SH3KBP1: variants seen among roughly 807,000 people sequenced by gnomAD.
SH3KBP1 encodes the protein SH3 domain-containing kinase-binding protein 1.
A neutral mutation model predicts 50.1 loss-of-function variants in SH3KBP1; 8 were observed. That is an observed-to-expected ratio of 0.16 (90% CI 0.09 to 0.29). SH3KBP1 has a LOEUF of 0.29. Ranked by LOEUF, SH3KBP1 falls within the 10% of genes least tolerant of loss-of-function variation. The pLI is 1.00. For synonymous variants in SH3KBP1, 227 were observed against 218.6 expected (o/e 1.04, Z -0.34); for missense variants, 377 against 535.2 (o/e 0.70, Z 2.92).
chrX:19,812,021 C>A (rs1166270689), intron 2 of SH3KBP1, among the ~76,000 whole-genome samples: 2 of 111,907 alleles, frequency 1.8e-5, no homozygotes, highest in Non-Finnish European at 3.8e-5. Context: ...TCTGGGACCA[C>A]CTGCCTCTAG....
chrX:19,804,889 C>G (rs1237217390), intron 2 of SH3KBP1, among the ~76,000 whole-genome samples: 2 of 81,652 alleles, frequency 2.4e-5, no homozygotes, highest in African/African-American at 4.4e-5. Context: ...CCTACCCCCC[C>G]CCCCCCACCC....
chrX:19,843,994 G>A (rs2068296001), intron 1 of SH3KBP1, among the ~76,000 whole-genome samples: 1 of 111,098 alleles, frequency 9.0e-6, no homozygotes, highest in Non-Finnish European at 1.9e-5. Context: ...AGCAGGCCTG[G>A]GAGCAAATTC....
chrX:19,714,516 AAG>A (rs746798825), intron 3 of SH3KBP1, among the ~76,000 whole-genome samples: 39 of 111,370 alleles, frequency 3.5e-4, no homozygotes, highest in Non-Finnish European at 5.7e-4. Flanking sequence ...ATTTAAAAAA[AAG>A]AAAATAAAAT....
intron 2 of SH3KBP1, among the ~76,000 whole-genome samples, chrX:19,776,756 G>A (rs1047330371): frequency 5.5e-5 from 6 of 108,501 alleles, no homozygotes; most frequent in African/African-American, 1.3e-4. Context: ...GTCTTGCTAC[G>A]TTTCCCAGGA....
chrX:19,668,974 ATT>A (rs1241616577), intron 6 of SH3KBP1, among the ~76,000 whole-genome samples: 52 of 63,893 alleles, frequency 8.1e-4, no homozygotes, highest in Admixed American at 1.4e-3. Flanking sequence ...ATATATATAT[ATT>A]TTTTGAGACA....
chrX:19,564,555 C>T (rs980750446), intron 13 of SH3KBP1, among the ~76,000 whole-genome samples: 1 of 108,388 alleles, frequency 9.2e-6, no homozygotes, highest in African/African-American at 3.3e-5. Flanking sequence ...TCTTCTCTCG[C>T]CTCTCTCTCT....
At chrX:19,583,175 C>T (rs1030908703) in intron 12 of SH3KBP1, among the ~76,000 whole-genome samples, 28 of 89,987 alleles carry the variant, frequency 3.1e-4, no homozygotes, top group Non-Finnish European at 5.9e-4. Context: ...ATTTTTGAGA[C>T]GCAGTTTCAC....
chrX:19,827,126 A>G (rs761512413), intron 2 of SH3KBP1, among the ~76,000 whole-genome samples: 1 of 112,055 alleles, frequency 8.9e-6, no homozygotes, highest in Non-Finnish European at 1.9e-5. Context: ...AGAGAGATCT[A>G]AAACACCTAG....
At chrX:19,675,361 G>A (rs1316597473) in intron 6 of SH3KBP1, among the ~76,000 whole-genome samples, 1 of 109,662 alleles carries the variant, frequency 9.1e-6, no homozygotes, top group African/African-American at 3.3e-5. Flanking sequence ...AGGCAGAGTT[G>A]AAGTCTGAAC....
chrX:19,647,512 C>A (rs2062015824), intron 6 of SH3KBP1, among the ~76,000 whole-genome samples: 1 of 111,935 alleles, frequency 8.9e-6, no homozygotes, highest in Non-Finnish European at 1.9e-5. Flanking sequence ...GTAAGGCTCA[C>A]TGTGGTTTGT....
intron 8 of SH3KBP1, among the ~76,000 whole-genome samples, chrX:19,609,575 G>A (rs2067347738): frequency 8.9e-6 from 1 of 112,057 alleles, no homozygotes; most frequent in African/African-American, 3.2e-5. Flanking sequence ...AGGAGATCAT[G>A]TTCAGGGCCC....
chrX:19,776,532 G>GTTTTTTGTT (rs2065981503), intron 2 of SH3KBP1, among the ~76,000 whole-genome samples: 1 of 25,681 alleles, frequency 3.9e-5, no homozygotes, highest in Non-Finnish European at 6.4e-5. Context: ...TGACAACCTG[G>GTTTTTTGTT]TTTTTTTTTT....
intron 2 of SH3KBP1, among the ~76,000 whole-genome samples, chrX:19,763,326 T>C (rs1014809075): frequency 1.8e-5 from 2 of 112,791 alleles, no homozygotes; most frequent in East Asian, 2.8e-4. Flanking sequence ...TATTTTTAAA[T>C]GTCTTCATTT....
At chrX:19,540,818 G>A (rs946016701) in intron 16 of SH3KBP1, among the ~76,000 whole-genome samples, 2 of 111,702 alleles carry the variant, frequency 1.8e-5, no homozygotes, top group African/African-American at 3.3e-5. Flanking sequence ...AATCCTACCC[G>A]GGAAATAACT....
chrX:19,854,173 T>C (rs1424016578), intron 1 of SH3KBP1, among the ~76,000 whole-genome samples: 2 of 110,112 alleles, frequency 1.8e-5, no homozygotes, highest in African/African-American at 6.6e-5. Flanking sequence ...TGGAGTGCAG[T>C]GGTATGATCT....
intron 3 of SH3KBP1, among the ~76,000 whole-genome samples, chrX:19,719,870 A>ATAC (rs1454276693): frequency 9.5e-6 from 1 of 105,761 alleles, no homozygotes; most frequent in Non-Finnish European, 1.9e-5. Flanking sequence ...AATAATAATA[A>ATAC]TAATAATAAC....
At chrX:19,819,490 C>T (rs1408101105) in intron 2 of SH3KBP1, among the ~76,000 whole-genome samples, 1 of 110,561 alleles carries the variant, frequency 9.0e-6, no homozygotes, top group Non-Finnish European at 1.9e-5. Flanking sequence ...TGCACCACCA[C>T]GTCCAGCTAA....
At chrX:19,750,831 A>C (rs2148830200) in intron 2 of SH3KBP1, among the ~76,000 whole-genome samples, 1 of 111,933 alleles carries the variant, frequency 8.9e-6, no homozygotes, top group Non-Finnish European at 1.9e-5. Flanking sequence ...TGTCAGGAAA[A>C]AAAAAAACAA....
chrX:19,571,202 T>C (rs1488339545), intron 12 of SH3KBP1, among the ~76,000 whole-genome samples: 1 of 112,305 alleles, frequency 8.9e-6, no homozygotes, highest in East Asian at 2.8e-4. Context: ...GTGTGTGCTA[T>C]GATGCTGGCT....
Sources: allele counts gnomAD v4.1 joint callset (sites outside exome capture counted in the v4.1 genomes callset), GRCh38; gene constraint gnomAD v4.1.1; transcripts MANE v1.5; gene names NCBI Gene and HGNC (gene_info 2026-07-23, HGNC 2026-07-21).